Variants in ADORA2B observed in about 807,000 individuals in gnomAD.
ADORA2B encodes the protein adenosine A2b receptor.
ADORA2B carries 18 observed loss-of-function variants against 20.8 expected under a neutral mutation model. That is an observed-to-expected ratio of 0.87 (90% CI 0.60 to 1.29). ADORA2B has a LOEUF of 1.29. ADORA2B is among the 50% of genes most tolerant of loss of function. The pLI is 0.00. For missense variants in ADORA2B, 441 were observed against 422.7 expected (o/e 1.04, Z -0.38); for synonymous variants, 179 against 178.3 (o/e 1.00, Z -0.03).
chr17:15,868,548 G>T, the ADORA2B span, among the ~76,000 whole-genome samples: 2 of 136,964 alleles, frequency 1.5e-5, 1 homozygote, highest in Admixed American at 1.5e-4. Flanking sequence ...CGAGGCGGGC[G>T]GATAACAAGG....
chr17:15,953,722 G>T (rs1046282023), intron 1 of ADORA2B, among the ~76,000 whole-genome samples: 9 of 152,212 alleles, frequency 5.9e-5, no homozygotes, highest in African/African-American at 1.7e-4. Flanking sequence ...TCTGCTCCTG[G>T]TTTCTGTGAG....
chr17:15,875,019 T>C, the ADORA2B span, among the ~76,000 whole-genome samples: 2 of 152,058 alleles, frequency 1.3e-5, no homozygotes, highest in African/African-American at 4.8e-5. Flanking sequence ...GCACTTTTTA[T>C]CAGTTTGTTA....
the ADORA2B span, among the ~76,000 whole-genome samples, chr17:15,880,520 G>A: frequency 7.0e-6 from 1 of 142,768 alleles, no homozygotes; most frequent in Non-Finnish European, 1.5e-5. Context: ...CGCCAGGGGA[G>A]CACTCAAAAG....
chr17:15,867,684 C>T, the ADORA2B span, among the ~76,000 whole-genome samples: 4 of 149,974 alleles, frequency 2.7e-5, no homozygotes, highest in Admixed American at 6.6e-5. Flanking sequence ...AGGTCAGCCC[C>T]CCGCCCGGCC....
At chr17:15,879,560 C>T in the ADORA2B span, among the ~76,000 whole-genome samples, 10 of 141,654 alleles carry the variant, frequency 7.1e-5, no homozygotes, top group Admixed American at 2.1e-4. Context: ...TTTTTTGAGA[C>T]GGAGTCTTGC....
the ADORA2B span, among the ~76,000 whole-genome samples, chr17:15,904,240 A>G: frequency 6.6e-6 from 1 of 152,126 alleles, no homozygotes. Context: ...TCGGTCTCCC[A>G]AAGTGTGGGT....
At chr17:15,956,331 G>C (rs1393643980) in intron 1 of ADORA2B, among the ~76,000 whole-genome samples, 1 of 152,112 alleles carries the variant, frequency 6.6e-6, no homozygotes, top group East Asian at 1.9e-4. Flanking sequence ...AGTGTGGGAG[G>C]GGGAGGGGAT....
chr17:15,957,664 C>T (rs1969985179), intron 1 of ADORA2B, among the ~76,000 whole-genome samples: 2 of 152,120 alleles, frequency 1.3e-5, no homozygotes, highest in South Asian at 4.1e-4. Context: ...CTTGGGGAGT[C>T]TGGGGCTGCT....
At chr17:15,908,192 G>A in the ADORA2B span, among the ~76,000 whole-genome samples, 1 of 152,034 alleles carries the variant, frequency 6.6e-6, no homozygotes, top group Non-Finnish European at 1.5e-5. Context: ...GGCTCAACCA[G>A]TCCTCCCACC....
At chr17:15,891,404 G>A in the ADORA2B span, among the ~76,000 whole-genome samples, 1 of 152,264 alleles carries the variant, frequency 6.6e-6, no homozygotes. Flanking sequence ...ACCCACTTAT[G>A]TGTGCGTTTG....
At chr17:15,871,129 G>A in the ADORA2B span, among the ~76,000 whole-genome samples, 1 of 152,168 alleles carries the variant, frequency 6.6e-6, no homozygotes, top group African/African-American at 2.4e-5. Flanking sequence ...TGGGGCACCC[G>A]CTCCCACTCT....
At chr17:15,972,677 A>T (rs1970203690) in intron 1 of ADORA2B, among the ~76,000 whole-genome samples, 1 of 152,190 alleles carries the variant, frequency 6.6e-6, no homozygotes, top group Non-Finnish European at 1.5e-5. Context: ...TCTCAACTGG[A>T]TACTGGTCAA....
At chr17:15,962,257 C>G (rs1341663382) in intron 1 of ADORA2B, among the ~76,000 whole-genome samples, 1 of 151,994 alleles carries the variant, frequency 6.6e-6, no homozygotes, top group Non-Finnish European at 1.5e-5. Context: ...GAGCCAAGAT[C>G]GCGCCACTGC....
chr17:15,956,038 G>GAC (rs1443771123), intron 1 of ADORA2B, among the ~76,000 whole-genome samples: 1 of 152,156 alleles, frequency 6.6e-6, no homozygotes, highest in Non-Finnish European at 1.5e-5. Flanking sequence ...GGCAGATGGG[G>GAC]ACGTCCCCTC....
the ADORA2B span, among the ~76,000 whole-genome samples, chr17:15,909,125 G>C: frequency 1.3e-5 from 2 of 151,958 alleles, no homozygotes; most frequent in African/African-American, 4.8e-5. Flanking sequence ...GGAGTTGGAG[G>C]CACGGTCAAG....
chr17:15,888,856 T>A, the ADORA2B span, among the ~76,000 whole-genome samples: 49 of 41,218 alleles, frequency 1.2e-3, no homozygotes, highest in South Asian at 3.2e-3. Context: ...ATATATTTTT[T>A]TTTTTTTTTT....
intron 1 of ADORA2B, among the ~76,000 whole-genome samples, chr17:15,951,931 C>T (rs1969909158): frequency 6.6e-6 from 1 of 152,178 alleles, no homozygotes; most frequent in South Asian, 2.1e-4. Context: ...CAGAGGCCTC[C>T]TCTGCAGACC....
At chr17:15,964,818 T>G (rs1053264406) in intron 1 of ADORA2B, among the ~76,000 whole-genome samples, 2 of 151,408 alleles carry the variant, frequency 1.3e-5, no homozygotes, top group African/African-American at 2.4e-5. Context: ...CCCCAGCACT[T>G]TGGGAGGCCA....
intron 1 of ADORA2B, 160 bp from the exon 2 acceptor site, chr17:15,974,519 T>G: frequency 1.6e-6 from 1 of 610,446 alleles, no homozygotes; most frequent in South Asian, 2.3e-5. Context: ...TGCTCATCCC[T>G]GCTTGCATGT....
Sources: gnomAD v4.1 joint callset for allele counts (sites outside exome capture counted in the v4.1 genomes callset) on GRCh38, gnomAD v4.1.1 for gene constraint, MANE v1.5 for transcripts, NCBI Gene and HGNC (gene_info 2026-07-23, HGNC 2026-07-21) for gene names.